PELI2: variants seen among roughly 807,000 people sequenced by gnomAD.
PELI2 encodes the protein E3 ubiquitin-protein ligase pellino homolog 2.
In PELI2, 23 loss-of-function variants were observed where a neutral mutation model predicts 42.3. The ratio of observed to expected loss-of-function variants is 0.54; its 90% CI spans 0.39 to 0.77. PELI2 has a LOEUF of 0.77. Among genes scored for constraint, PELI2 ranks in the 30% least tolerant of loss-of-function variants. PELI2 has a pLI of 0.00. For missense variants in PELI2, 463 were observed against 553.2 expected, an observed-to-expected ratio of 0.84 and a Z score of 1.64; for synonymous variants, 245 against 212.2, an observed-to-expected ratio of 1.15 and a Z score of -1.34.
intron 2 of PELI2, among the ~76,000 whole-genome samples, chr14:56,238,702 A>G (rs1887878470): frequency 6.6e-6 from 1 of 152,220 alleles, no homozygotes; most frequent in South Asian, 2.1e-4. Context: ...TTAATTCATT[A>G]CTAAGATAGT....
chr14:56,142,745 CA>C (rs1443513519), intron 1 of PELI2, among the ~76,000 whole-genome samples: 2 of 151,622 alleles, frequency 1.3e-5, no homozygotes, highest in Non-Finnish European at 2.9e-5. Context: ...AATAGGAGTA[CA>C]TAGCCTTCAT....
intron 1 of PELI2, among the ~76,000 whole-genome samples, chr14:56,157,342 C>G (rs1350357061): frequency 2.0e-5 from 3 of 152,080 alleles, no homozygotes; most frequent in Non-Finnish European, 4.4e-5. Context: ...CATTTTATTT[C>G]TAATATTTTC....
At chr14:56,263,909 A>T (rs1276705597) in intron 2 of PELI2, among the ~76,000 whole-genome samples, 1 of 152,180 alleles carries the variant, frequency 6.6e-6, no homozygotes, top group Non-Finnish European at 1.5e-5. Flanking sequence ...TAAAGACAAC[A>T]GAAGCTCAGA....
chr14:56,154,755 C>T (rs1884487423), intron 1 of PELI2, among the ~76,000 whole-genome samples: 2 of 152,106 alleles, frequency 1.3e-5, no homozygotes, highest in African/African-American at 4.8e-5. Flanking sequence ...AAATTTGTGT[C>T]CTTAGGATAG....
At chr14:56,123,551 G>T (rs1033241941) in intron 1 of PELI2, among the ~76,000 whole-genome samples, 1 of 152,068 alleles carries the variant, frequency 6.6e-6, no homozygotes, top group Non-Finnish European at 1.5e-5. Flanking sequence ...ACTAACTTTA[G>T]CCTTGTTTGG....
intron 1 of PELI2, among the ~76,000 whole-genome samples, chr14:56,125,066 A>T (rs2139577056): frequency 1.3e-5 from 2 of 152,212 alleles, no homozygotes; most frequent in South Asian, 4.1e-4. Flanking sequence ...GGCACAGTGG[A>T]GTTGGAAGGA....
chr14:56,199,512 C>T (rs1171439340), intron 2 of PELI2, among the ~76,000 whole-genome samples: 1 of 152,182 alleles, frequency 6.6e-6, no homozygotes, highest in East Asian at 1.9e-4. Context: ...TGGAAGATTA[C>T]ATTTAAAATA....
At chr14:56,153,366 C>T (rs1884432665) in intron 1 of PELI2, among the ~76,000 whole-genome samples, 1 of 152,064 alleles carries the variant, frequency 6.6e-6, no homozygotes, top group African/African-American at 2.4e-5. Context: ...TCATTAGAGT[C>T]AAACTTAAAG....
rs534459055 is a variant in PELI2 at position 56,165,420 on chromosome 14, A to G, written c.78-12915A>G. ...TATTTCAAATTTTTTGAATGTTTTA[A>G]GACTTGTTTAACATTTGTTTTCAAA... On this transcript the variant is annotated intron_variant, in intron 1 of 5. Transcript: ENST00000267460. 7.2e-5 allele frequency among the ~76,000 whole-genome samples: 11 copies of G among 152,204 alleles called. No homozygotes were observed. In the East Asian group the frequency reaches 2.1e-3, roughly 29 times the overall value.
intron 1 of PELI2, among the ~76,000 whole-genome samples, chr14:56,169,994 G>A (rs191348373): frequency 6.6e-6 from 1 of 152,290 alleles, no homozygotes; most frequent in Admixed American, 6.5e-5. Flanking sequence ...CAGTGAGTTA[G>A]GGTGAGCTAC....
chr14:56,241,456 G>A (rs561864385), intron 2 of PELI2, among the ~76,000 whole-genome samples: 2 of 152,186 alleles, frequency 1.3e-5, no homozygotes, highest in East Asian at 3.9e-4. Flanking sequence ...GATAGAAAGG[G>A]TGCAGCAAGT....
chr14:56,155,675 G>A (rs10145037), intron 1 of PELI2, among the ~76,000 whole-genome samples: 118 of 151,362 alleles, frequency 7.8e-4, no homozygotes, highest in African/African-American at 2.7e-3. Flanking sequence ...TCCGCCTCCC[G>A]GGTTCGCCCC....
chr14:56,129,581 C>G (rs1197594551), intron 1 of PELI2, among the ~76,000 whole-genome samples: 1 of 152,214 alleles, frequency 6.6e-6, no homozygotes. Context: ...CTTTGTCCCC[C>G]AAGAAACGAG....
chr14:56,177,156 A>C (rs994116663), intron 1 of PELI2, among the ~76,000 whole-genome samples: 12 of 152,258 alleles, frequency 7.9e-5, no homozygotes, highest in Admixed American at 3.3e-4. Flanking sequence ...GGAATAACTT[A>C]CAGTGATAAT....
At chr14:56,221,455 T>C (rs1486635221) in intron 2 of PELI2, among the ~76,000 whole-genome samples, 1 of 152,198 alleles carries the variant, frequency 6.6e-6, no homozygotes, top group Non-Finnish European at 1.5e-5. Context: ...AACACAGTGC[T>C]CAGGAATAAT....
intron 2 of PELI2, among the ~76,000 whole-genome samples, chr14:56,228,240 A>G (rs918948361): frequency 7.9e-5 from 12 of 152,252 alleles, no homozygotes; most frequent in African/African-American, 2.7e-4. Context: ...TATTATTTGA[A>G]GTCAGCCATA....
At chr14:56,183,401 G>A (rs10483665) in intron 2 of PELI2, among the ~76,000 whole-genome samples, 21 of 151,844 alleles carry the variant, frequency 1.4e-4, no homozygotes, top group African/African-American at 4.6e-4. Context: ...TAACAACATC[G>A]AAAAACATTT....
intron 3 of PELI2, among the ~76,000 whole-genome samples, chr14:56,282,366 ATG>A (rs1668097708): frequency 1.3e-5 from 2 of 152,074 alleles, no homozygotes; most frequent in African/African-American, 4.8e-5. Context: ...ACTAAATAAA[ATG>A]TTATTAAATA....
chr14:56,223,181 A>G (rs1185809152), intron 2 of PELI2, among the ~76,000 whole-genome samples: 1 of 152,126 alleles, frequency 6.6e-6, no homozygotes, highest in East Asian at 1.9e-4. Context: ...AAATTGCACT[A>G]TTCTCACCAC....
Sources: gnomAD v4.1 joint callset for allele counts (sites outside exome capture counted in the v4.1 genomes callset) on GRCh38, gnomAD v4.1.1 for gene constraint, MANE v1.5 for transcripts, NCBI Gene and HGNC (gene_info 2026-07-23, HGNC 2026-07-21) for gene names.